ARMC9: variants seen among roughly 807,000 people sequenced by gnomAD.
ARMC9 encodes lisH domain-containing protein ARMC9.
In ARMC9, 94 loss-of-function variants were observed where a neutral mutation model predicts 107.0. The observed-to-expected ratio is 0.88, with a 90% CI of 0.74 to 1.04. The LOEUF (loss-of-function observed/expected upper bound fraction) is 1.04. ARMC9 is among the 50% of genes least tolerant of loss of function. The pLI is 0.00. For synonymous variants in ARMC9, 380 were observed against 396.9 expected, an observed-to-expected ratio of 0.96 and a Z score of 0.51; for missense variants, 942 against 1,030.1, an observed-to-expected ratio of 0.91 and a Z score of 1.17.
chr2:231,369,841 G>A lies in ARMC9; in HGVS notation c.2262-112G>A, dbSNP rs780569162. ...ACTCCTGACTTCAGGTGATTTGTCCGCCTTGGCCTCTCAGAGTGCTGGGAT... is the reference window on the plus strand; with the variant it reads ...ACTCCTGACTTCAGGTGATTTGTCCACCTTGGCCTCTCAGAGTGCTGGGAT... On this transcript the variant is annotated intron_variant, in intron 23 of 24. Coordinates refer to ENST00000611582, the MANE Select transcript of ARMC9 (RefSeq NM_001352754.2). The A allele has an allele frequency of 8.8e-5, 101 of 1,144,570 alleles. 1 individual carries two copies. Among genetic ancestry groups the A allele is most frequent in the Middle Eastern group, 2.1e-4 (1 of 4,786 alleles). 70.9% of individuals were successfully genotyped at this position (1,144,570 alleles called of 1,614,324 possible). A position where few individuals can be genotyped will look rare whatever the true frequency, so the allele number is the denominator to read the frequency against.
At chr2:231,328,320 G>C (rs1729080) in intron 19 of ARMC9, among the ~76,000 whole-genome samples, 50,575 of 151,918 alleles carry the variant, frequency 0.33, 8,514 homozygotes, top group Middle Eastern at 0.39. Context: ...CTGAATATGT[G>C]GTTTCCAAAT....
intron 7 of ARMC9, among the ~76,000 whole-genome samples, chr2:231,233,886 G>T (rs1367890093): frequency 6.6e-6 from 1 of 151,984 alleles, no homozygotes; most frequent in Non-Finnish European, 1.5e-5. Flanking sequence ...CCTTCTCTAG[G>T]TCAGCCATTG....
At chr2:231,266,728 A>AGCTAATGTCCTT (rs1222277858) in intron 12 of ARMC9, among the ~76,000 whole-genome samples, 36 of 152,140 alleles carry the variant, frequency 2.4e-4, no homozygotes, top group Non-Finnish European at 3.5e-4. Flanking sequence ...TGACTGGCTT[A>AGCTAATGTCCTT]TTTCACTTAG....
intron 17 of ARMC9, among the ~76,000 whole-genome samples, chr2:231,284,970 T>C (rs543112460): frequency 2.4e-4 from 36 of 152,344 alleles, no homozygotes; most frequent in African/African-American, 8.7e-4. Context: ...GAAGCCGATG[T>C]GGGCAGATCA....
intron 1 of ARMC9, among the ~76,000 whole-genome samples, chr2:231,201,581 T>G (rs1408282860): frequency 1.3e-5 from 2 of 152,210 alleles, no homozygotes; most frequent in African/African-American, 4.8e-5. Flanking sequence ...CTCTGCCCAC[T>G]CCTTTCCATC....
At chr2:231,253,530 G>A (rs977664703) in intron 9 of ARMC9, among the ~76,000 whole-genome samples, 1 of 152,134 alleles carries the variant, frequency 6.6e-6, no homozygotes, top group Non-Finnish European at 1.5e-5. Context: ...CTGGGAGACA[G>A]AGTGAGACTG....
intron 9 of ARMC9, among the ~76,000 whole-genome samples, chr2:231,252,932 G>A (rs1416174225): frequency 6.6e-6 from 1 of 151,376 alleles, no homozygotes; most frequent in Non-Finnish European, 1.5e-5. Flanking sequence ...GAACGGCTAT[G>A]CCCAGCTAGA....
intron 19 of ARMC9, among the ~76,000 whole-genome samples, chr2:231,326,438 A>G (rs1052107209): frequency 2.6e-5 from 4 of 152,232 alleles, no homozygotes; most frequent in African/African-American, 9.6e-5. Context: ...TTCCCTGAGT[A>G]AGATGGTGCT....
intron 11 of ARMC9, 87 bp from the exon 12 acceptor site, chr2:231,262,219 T>C (rs886794145): frequency 8.4e-7 from 1 of 1,190,458 alleles, no homozygotes; most frequent in East Asian, 2.3e-5. Context: ...TAGGTACTGA[T>C]ACTGCCATCT....
chr2:231,371,119 G>C (rs1178690928), intron 24 of ARMC9: 1 of 483,700 alleles, frequency 2.1e-6, no homozygotes, highest in Non-Finnish European at 4.1e-6. Context: ...TCCAGGGGAG[G>C]CTCGGCCAGG....
Position 231,216,649 on chromosome 2 carries a change from G to C in ARMC9, c.360G>C (p.Glu120Asp), listed in dbSNP as rs371282155. 1.1e-5 allele frequency: 18 copies of C among 1,613,510 alleles called. No individual in the cohort carries two copies. The highest frequency in any genetic ancestry group is 1.5e-5 in the Non-Finnish European group (18 of 1,179,738). The change falls in exon 5 of 25, where the codon GAG becomes GAC. Residue 120 changes from glutamate to aspartate, a missense_variant. By Grantham distance (45) the Glu-to-Asp change is conservative (BLOSUM62 2). Coordinates refer to ENST00000611582, the MANE Select transcript of ARMC9 (RefSeq NM_001352754.2). ...KYSVGRPDKE[E>D]LDEKISYFKT... The stretch of plus-strand genomic sequence containing the variant: ...TTCCCTTCTTCTAGGACAAAGAGGA[G>C]CTGGATGAAAAGATTTCCTACTTCA...
chr2:231,240,581 A>G (rs762392946), intron 9 of ARMC9, among the ~76,000 whole-genome samples: 1 of 152,188 alleles, frequency 6.6e-6, no homozygotes, highest in Non-Finnish European at 1.5e-5. Context: ...GATAAATTAT[A>G]TATATTATGA....
At chr2:231,207,635 C>G (rs2032219044) in intron 2 of ARMC9, among the ~76,000 whole-genome samples, 1 of 152,134 alleles carries the variant, frequency 6.6e-6, no homozygotes, top group African/African-American at 2.4e-5. Flanking sequence ...GCCACTGCGC[C>G]TGGCTAATTT....
chr2:231,288,240 TTAAA>T (rs2040741632), intron 17 of ARMC9, among the ~76,000 whole-genome samples: 1 of 152,158 alleles, frequency 6.6e-6, no homozygotes, highest in Non-Finnish European at 1.5e-5. Flanking sequence ...GATCATAAAG[TTAAA>T]TAAGAAGCAA....
chr2:231,359,870 G>A (rs1403006395), intron 22 of ARMC9, among the ~76,000 whole-genome samples: 1 of 152,194 alleles, frequency 6.6e-6, no homozygotes, highest in Non-Finnish European at 1.5e-5. Flanking sequence ...AAAGCCCCTT[G>A]CTACAGGGAA....
intron 23 of ARMC9, among the ~76,000 whole-genome samples, chr2:231,364,295 CTCTG>C (rs1372997010): frequency 6.6e-6 from 1 of 152,222 alleles, no homozygotes; most frequent in Non-Finnish European, 1.5e-5. Context: ...AGGGAGGTGG[CTCTG>C]TCTGAGGAGC....
chr2:231,330,254 A>G (rs12694888), intron 19 of ARMC9, among the ~76,000 whole-genome samples: 46,300 of 143,458 alleles, frequency 0.32, 7,557 homozygotes, highest in Middle Eastern at 0.37. Context: ...TTGAGACGGA[A>G]TCTCGCTCTG....
intron 8 of ARMC9, among the ~76,000 whole-genome samples, chr2:231,236,430 A>ACT (rs1180434157): frequency 1.5e-4 from 23 of 152,216 alleles, no homozygotes; most frequent in Non-Finnish European, 1.5e-5. Context: ...TCTATAAAGT[A>ACT]CAATAAAATC....
intron 20 of ARMC9, among the ~76,000 whole-genome samples, chr2:231,344,496 G>A (rs1263160580): frequency 6.6e-6 from 1 of 152,138 alleles, no homozygotes; most frequent in African/African-American, 2.4e-5. Context: ...CTGATTTGTA[G>A]GAGCTCCTTA....
Sources: gnomAD v4.1 joint callset for allele counts (sites outside exome capture counted in the v4.1 genomes callset) on GRCh38, gnomAD v4.1.1 for gene constraint, MANE v1.5 for transcripts, NCBI Gene and HGNC (gene_info 2026-07-23, HGNC 2026-07-21) for gene names.